DLGAP1: variants seen among roughly 807,000 people sequenced by gnomAD.
DLGAP1 encodes the protein DLG associated protein 1.
DLGAP1 carries 11 observed loss-of-function variants against 90.8 expected under a neutral mutation model. The observed-to-expected ratio is 0.12, with a 90% confidence interval of 0.08 to 0.20. The LOEUF is 0.20. Among genes scored for constraint, DLGAP1 ranks in the 10% least tolerant of loss-of-function variants. The pLI is 1.00. For missense variants in DLGAP1, 1,050 were observed against 1,333.8 expected (o/e 0.79, Z 3.31); for synonymous variants, 558 against 540.7 (o/e 1.03, Z -0.44).
intron 1 of DLGAP1, among the ~76,000 whole-genome samples, chr18:4,439,693 C>T (rs2083483484): frequency 1.3e-5 from 2 of 152,062 alleles, no homozygotes; most frequent in South Asian, 2.1e-4. Flanking sequence ...CCTGTAGTTC[C>T]AAACTACTCA....
chr18:3,915,489 G>T (rs937535852), intron 3 of DLGAP1, among the ~76,000 whole-genome samples: 1 of 152,160 alleles, frequency 6.6e-6, no homozygotes, highest in Non-Finnish European at 1.5e-5. Context: ...GATTAAAAAG[G>T]AACAAAGATG....
rs373259072 is a variant in DLGAP1, at chr18:3,920,414, A to G, written c.-72-40274T>C. On this transcript the variant is annotated intron_variant, in intron 3 of 12. Transcript: ENST00000315677. The stretch of plus-strand genomic sequence containing the variant: ...CTGATCTGTTTTCGTGATGTGTTAT[A>G]TACCAGGTTACCATTAGACTTACTA... Among the ~76,000 whole-genome samples, 22 of 150,954 alleles carry G rather than the reference A, an allele frequency of 1.5e-4. No homozygotes were observed. In the East Asian group the frequency reaches 2.0e-3, roughly 13 times the overall value.
At chr18:4,359,836 T>C (rs1279388772) in intron 1 of DLGAP1, among the ~76,000 whole-genome samples, 1 of 152,046 alleles carries the variant, frequency 6.6e-6, no homozygotes, top group Non-Finnish European at 1.5e-5. Context: ...GGGAAGAAAA[T>C]AGTCAGTAAT....
At chr18:4,353,814 G>C (rs183399882) in intron 1 of DLGAP1, among the ~76,000 whole-genome samples, 14 of 152,078 alleles carry the variant, frequency 9.2e-5, no homozygotes, top group Non-Finnish European at 1.9e-4. Context: ...TTAGTGTTGG[G>C]CTAATCAGTT....
chr18:4,205,958 G>C (rs137977354), intron 1 of DLGAP1, among the ~76,000 whole-genome samples: 1 of 152,238 alleles, frequency 6.6e-6, no homozygotes, highest in East Asian at 1.9e-4. Flanking sequence ...ACTGTTTAGC[G>C]ATTCACCTGA....
intron 3 of DLGAP1, among the ~76,000 whole-genome samples, chr18:3,954,278 T>G (rs558163392): frequency 6.6e-6 from 1 of 152,326 alleles, no homozygotes; most frequent in Admixed American, 6.5e-5. Context: ...AAATTAGAAC[T>G]ATGTTCATGG....
At chr18:3,618,303 C>T (rs2057955059) in intron 7 of DLGAP1, among the ~76,000 whole-genome samples, 1 of 152,144 alleles carries the variant, frequency 6.6e-6, no homozygotes, top group South Asian at 2.1e-4. Flanking sequence ...TAAGATAAGG[C>T]TATTTGGTTT....
intron 6 of DLGAP1, among the ~76,000 whole-genome samples, chr18:3,740,933 C>T (rs935915190): frequency 4.1e-5 from 6 of 146,822 alleles, no homozygotes; most frequent in Non-Finnish European, 9.0e-5. Flanking sequence ...CCATGGTCAT[C>T]ACCACCACTG....
In DLGAP1 at chr18:3,879,236, G is replaced by A. The variant is rs779442589; in HGVS notation, c.833C>T (p.Ala278Val). 1.3e-6 allele frequency: 2 copies of A among 1,595,346 alleles called. No homozygotes were observed. The highest frequency in any genetic ancestry group is 8.5e-7 in the Non-Finnish European group (1 of 1,170,708). The change falls in exon 4 of 13, where the codon GCC becomes GTC. Residue 278 changes from alanine (A) to valine (V), a missense_variant. This residue lies in a region of DLGAP1 where 485 missense variants were observed against 454.1 expected (regional missense o/e 1.07). Coordinates refer to ENST00000315677, the MANE Select transcript of DLGAP1 (RefSeq NM_004746.4). The surrounding 1 kb of genome is among the most constrained non-coding windows in gnomAD (Gnocchi z 6.6). ...SLDTPLLKKS[A>V]WSSTLTVSRA... ...GCTCACGGTGAGCGTGGAGGACCAGGCGCTCTTCTTCAGCAGCGGGGTGTC... is the reference window on the plus strand; with the variant it reads ...GCTCACGGTGAGCGTGGAGGACCAGACGCTCTTCTTCAGCAGCGGGGTGTC...
At chr18:4,384,569 T>C (rs1004780643) in intron 1 of DLGAP1, among the ~76,000 whole-genome samples, 1 of 152,186 alleles carries the variant, frequency 6.6e-6, no homozygotes, top group Non-Finnish European at 1.5e-5. Context: ...CCTTTGTTAT[T>C]TTTTAACATC....
chr18:4,289,731 T>G (rs1195204033), intron 1 of DLGAP1, among the ~76,000 whole-genome samples: 1 of 152,134 alleles, frequency 6.6e-6, no homozygotes, highest in Non-Finnish European at 1.5e-5. Flanking sequence ...ATGTTTAAAT[T>G]TTAAATTTTT....
At chr18:3,726,378 CA>C (rs2062178818) in intron 7 of DLGAP1, among the ~76,000 whole-genome samples, 1 of 151,550 alleles carries the variant, frequency 6.6e-6, no homozygotes, top group Admixed American at 6.6e-5. Context: ...AAGGAAACTA[CA>C]GGAAGAAAAT....
chr18:3,565,915 C>G lies in DLGAP1; in HGVS notation c.2057+1575G>C, dbSNP rs951813557. Among the ~76,000 whole-genome samples, 11 of 152,026 alleles carry G rather than the reference C, an allele frequency of 7.2e-5. No individual in the cohort carries two copies. The highest frequency in any genetic ancestry group is 5.9e-5 in the Non-Finnish European group (4 of 68,010). The stretch of plus-strand genomic sequence containing the variant: ...TCAGAGTAAAAGAAAAAAGTCACTC[C>G]TAAACCTACCATTTGTACGTATTAC... On this transcript the variant is annotated intron_variant, in intron 9 of 12. Coordinates refer to ENST00000315677, the MANE Select transcript of DLGAP1 (RefSeq NM_004746.4). The surrounding 1 kb of genome is among the most constrained non-coding windows in gnomAD (Gnocchi z 4.0).
intron 7 of DLGAP1, among the ~76,000 whole-genome samples, chr18:3,585,557 A>G (rs2055829219): frequency 6.6e-6 from 1 of 152,262 alleles, no homozygotes; most frequent in Admixed American, 6.5e-5. Flanking sequence ...GAAGCTAAAT[A>G]ACATATTCCA....
rs559748677 is a variant in DLGAP1 at position 3,798,718 on chromosome 18, T to C, written c.1172+15341A>G. Among the ~76,000 whole-genome samples the C allele has an allele frequency of 2.6e-5, 4 of 152,366 alleles. No homozygotes were observed. In the East Asian group the frequency reaches 7.7e-4, roughly 29 times the overall value. On this transcript the variant is annotated intron_variant, in intron 5 of 12. Coordinates refer to ENST00000315677, the MANE Select transcript of DLGAP1 (RefSeq NM_004746.4). ...GCTTGCACACAGGAGATGCTAAGTA[T>C]ATGCTTACTGTATAGGGCATTCCAG...
At chr18:4,281,787 CACACATGCACAGAG>C (rs1264093002) in intron 1 of DLGAP1, among the ~76,000 whole-genome samples, 2 of 152,114 alleles carry the variant, frequency 1.3e-5, no homozygotes, top group Non-Finnish European at 2.9e-5. Flanking sequence ...CTTATAGACA[CACACATGCACAGAG>C]ACACATACAC....
At chr18:3,971,696 T>C (rs1454080148) in intron 3 of DLGAP1, among the ~76,000 whole-genome samples, 2 of 152,190 alleles carry the variant, frequency 1.3e-5, no homozygotes, top group Non-Finnish European at 2.9e-5. Context: ...TAGAGAAATA[T>C]CAGTGTATCC....
At chr18:3,947,620 T>C (rs1390791320) in intron 3 of DLGAP1, among the ~76,000 whole-genome samples, 1 of 152,262 alleles carries the variant, frequency 6.6e-6, no homozygotes, top group Non-Finnish European at 1.5e-5. Flanking sequence ...ATACTTTACA[T>C]GCTTTACCAC....
chr18:4,238,475 T>C (rs1447891047), intron 1 of DLGAP1, among the ~76,000 whole-genome samples: 1 of 152,202 alleles, frequency 6.6e-6, no homozygotes, highest in Non-Finnish European at 1.5e-5. Context: ...TTTAATTAAA[T>C]AGAAGCAGAA....
Sources: gnomAD v4.1 joint callset for allele counts (sites outside exome capture counted in the v4.1 genomes callset) on GRCh38, gnomAD v4.1.1 for gene constraint, gnomAD v4.1.1 regional missense constraint, Gnocchi (gnomAD v3.1) non-coding constraint, MANE v1.5 for transcripts, NCBI Gene and HGNC (gene_info 2026-07-23, HGNC 2026-07-21) for gene names.